Variants in TASP1 observed in about 807,000 individuals in gnomAD.
TASP1 encodes the protein threonine aspartase 1.
Under a neutral mutation model 56.6 loss-of-function variants are expected in TASP1, and 16 were observed. The ratio of observed to expected loss-of-function variants is 0.28; its 90% CI spans 0.19 to 0.43. The LOEUF (loss-of-function observed/expected upper bound fraction) is 0.43. Among genes scored for constraint, TASP1 ranks in the 20% least tolerant of loss-of-function variants. The pLI, the probability that TASP1 is intolerant of heterozygous loss-of-function variation, is 1.00. For missense variants in TASP1, 393 were observed against 511.6 expected (o/e 0.77, Z 2.24); for synonymous variants, 179 against 184.2 (o/e 0.97, Z 0.23).
the TASP1 span, among the ~76,000 whole-genome samples, chr20:13,326,727 A>G: frequency 1.3e-5 from 2 of 152,164 alleles, no homozygotes; most frequent in African/African-American, 4.8e-5. Context: ...GATTATCTCA[A>G]TAGATGAAGA....
chr20:13,265,261 A>G, the TASP1 span, among the ~76,000 whole-genome samples: 4 of 152,148 alleles, frequency 2.6e-5, no homozygotes, highest in Non-Finnish European at 5.9e-5. Flanking sequence ...GTACGTTTAC[A>G]AGCCTTTTTT....
chr20:13,387,860 T>C (rs572268017), downstream of TASP1, among the ~76,000 whole-genome samples: 10 of 152,364 alleles, frequency 6.6e-5, no homozygotes, highest in East Asian at 1.9e-3. Context: ...GGGCCTGCCA[T>C]AGGCAGACAT....
chr20:13,562,065 T>C (rs1167710094), intron 7 of TASP1, among the ~76,000 whole-genome samples: 5 of 152,168 alleles, frequency 3.3e-5, no homozygotes, highest in Non-Finnish European at 5.9e-5. Context: ...TCTCAATAGA[T>C]TGTAAAAGAT....
the TASP1 span, among the ~76,000 whole-genome samples, chr20:13,284,847 G>A: frequency 6.6e-6 from 1 of 152,210 alleles, no homozygotes; most frequent in Non-Finnish European, 1.5e-5. Context: ...AAATGGCTTT[G>A]TGAGCATTTA....
intron 4 of TASP1, 114 bp from the exon 5 acceptor site, chr20:13,587,484 A>G: frequency 1.2e-6 from 1 of 805,436 alleles, no homozygotes; most frequent in Non-Finnish European, 1.9e-6. Flanking sequence ...TCCAACACAT[A>G]GTATGATGCC....
At position 13,558,995 on chromosome 20, in the gene TASP1, A is replaced by G; in HGVS notation, c.675+13T>C. On this transcript the variant is annotated intron_variant, in intron 8 of 13. Transcript: ENST00000337743. Reference sequence around the variant, plus strand: ...CTGATACATTAATTTGAATATTTCAAACACCACCTGACCTTCTCACTTGAT... The same window carrying G: ...CTGATACATTAATTTGAATATTTCAGACACCACCTGACCTTCTCACTTGAT... 1 of 1,522,432 alleles carries G rather than the reference A, an allele frequency of 6.6e-7. No individual in the cohort carries two copies. Among genetic ancestry groups the G allele is most frequent in the African/African-American group, 1.4e-5 (1 of 71,816 alleles). 94.3% of individuals were successfully genotyped at this position (1,522,432 alleles called of 1,614,324 possible). A position where few individuals can be genotyped will look rare whatever the true frequency, so the allele number is the denominator to read the frequency against.
the TASP1 span, among the ~76,000 whole-genome samples, chr20:13,157,907 T>G: frequency 6.6e-6 from 1 of 152,194 alleles, no homozygotes; most frequent in Non-Finnish European, 1.5e-5. Context: ...TTGATTTTAT[T>G]AAAGAATGGT....
At chr20:13,348,193 G>A in the TASP1 span, among the ~76,000 whole-genome samples, 6 of 152,148 alleles carry the variant, frequency 3.9e-5, no homozygotes, top group African/African-American at 1.4e-4. Context: ...TAGTTTTAAA[G>A]ATCTATGCCA....
At chr20:13,105,345 C>G in the TASP1 span, among the ~76,000 whole-genome samples, 2 of 152,104 alleles carry the variant, frequency 1.3e-5, no homozygotes, top group Non-Finnish European at 2.9e-5. Context: ...TGAACTCCAC[C>G]AAAAGCCACT....
downstream of TASP1, among the ~76,000 whole-genome samples, chr20:13,387,269 C>T (rs1011028327): frequency 1.4e-5 from 2 of 140,008 alleles, no homozygotes; most frequent in African/African-American, 2.7e-5. Flanking sequence ...TCTCGGCTCA[C>T]TGCAACCTCC....
At chr20:13,567,272 G>A (rs932324630) in intron 7 of TASP1, among the ~76,000 whole-genome samples, 1 of 151,928 alleles carries the variant, frequency 6.6e-6, no homozygotes, top group African/African-American at 2.4e-5. Flanking sequence ...CTAACTGAGG[G>A]TGAAGGGTGG....
intron 4 of TASP1, among the ~76,000 whole-genome samples, chr20:13,589,681 G>GA (rs1380631905): frequency 6.6e-6 from 1 of 151,478 alleles, no homozygotes; most frequent in Non-Finnish European, 1.5e-5. Context: ...ACACAAAATG[G>GA]AAGAAAAAAT....
chr20:13,309,111 A>C, the TASP1 span, among the ~76,000 whole-genome samples: 1 of 152,182 alleles, frequency 6.6e-6, no homozygotes, highest in Non-Finnish European at 1.5e-5. Flanking sequence ...AATTTTAATA[A>C]TTTAAAACTC....
chr20:13,562,948 TTG>T (rs1299962120), intron 7 of TASP1, among the ~76,000 whole-genome samples: 2 of 134,096 alleles, frequency 1.5e-5, no homozygotes, highest in African/African-American at 5.5e-5. Flanking sequence ...TGTGTGTGTG[TTG>T]TGTATGTGTA....
At chr20:13,608,376 C>T (rs2048233751) in intron 4 of TASP1, among the ~76,000 whole-genome samples, 1 of 152,198 alleles carries the variant, frequency 6.6e-6, no homozygotes, top group Admixed American at 6.5e-5. Context: ...TTAGATTCCT[C>T]TGTGGTAGCA....
intron 4 of TASP1, among the ~76,000 whole-genome samples, chr20:13,615,483 G>T (rs371272916): frequency 8.7e-5 from 13 of 150,044 alleles, no homozygotes; most frequent in African/African-American, 3.2e-4. Context: ...GCAAGATTTA[G>T]AATCTTGATG....
At chr20:13,194,746 TATCTC>T in the TASP1 span, among the ~76,000 whole-genome samples, 5 of 152,290 alleles carry the variant, frequency 3.3e-5, no homozygotes, top group Admixed American at 3.3e-4. Context: ...ATCTTGTTCT[TATCTC>T]AGCCATTTAG....
chr20:13,304,253 GAT>G, the TASP1 span, among the ~76,000 whole-genome samples: 1 of 152,188 alleles, frequency 6.6e-6, no homozygotes, highest in African/African-American at 2.4e-5. Flanking sequence ...AGGAAGCAGA[GAT>G]GGCTGCATGA....
the TASP1 span, chr20:13,169,009 TG>T: frequency 1.0e-5 from 1 of 97,186 alleles, no homozygotes; most frequent in Non-Finnish European, 2.4e-5. Flanking sequence ...CAGAGAGAAA[TG>T]TATGTTTCAC....
Sources: gnomAD v4.1 joint callset for allele counts (sites outside exome capture counted in the v4.1 genomes callset) on GRCh38, gnomAD v4.1.1 for gene constraint, MANE v1.5 for transcripts, NCBI Gene and HGNC (gene_info 2026-07-23, HGNC 2026-07-21) for gene names.